RPS6KC1: variants seen among roughly 807,000 people sequenced by gnomAD.
The protein encoded by RPS6KC1 is inactive ribosomal protein S6 kinase delta-1.
In RPS6KC1, 54 loss-of-function variants were observed where a neutral mutation model predicts 103.8. The ratio of observed to expected loss-of-function variants is 0.52; its 90% CI spans 0.42 to 0.65. The LOEUF is 0.65. Ranked by LOEUF, RPS6KC1 falls within the 30% of genes least tolerant of loss-of-function variation. RPS6KC1 has a pLI of 0.00. For synonymous variants in RPS6KC1, 439 were observed against 438.7 expected (o/e 1.00, Z -0.01); for missense variants, 1,151 against 1,253.8 (o/e 0.92, Z 1.24).
At chr1:213,058,586 A>G (rs372467363) in intron 1 of RPS6KC1, among the ~76,000 whole-genome samples, 3 of 152,190 alleles carry the variant, frequency 2.0e-5, no homozygotes, top group African/African-American at 7.2e-5. Context: ...CCAAAAGTCA[A>G]TTGACTATAT....
intron 8 of RPS6KC1, among the ~76,000 whole-genome samples, chr1:213,219,883 G>A (rs1477979383): frequency 3.3e-5 from 5 of 151,806 alleles, no homozygotes; most frequent in African/African-American, 9.7e-5. Flanking sequence ...GGGAGGTATA[G>A]CATTAGGAGA....
chr1:213,409,458 G>T, the RPS6KC1 span, among the ~76,000 whole-genome samples: 1 of 151,990 alleles, frequency 6.6e-6, no homozygotes, highest in African/African-American at 2.4e-5. Context: ...ACAGGGGTGT[G>T]GAGACTGTTT....
At chr1:213,395,941 G>A in the RPS6KC1 span, among the ~76,000 whole-genome samples, 3 of 152,234 alleles carry the variant, frequency 2.0e-5, no homozygotes, top group East Asian at 3.8e-4. Flanking sequence ...GGAAGGCTCC[G>A]AACGGAGTCT....
chr1:213,300,965 C>G, the RPS6KC1 span, among the ~76,000 whole-genome samples: 1 of 152,122 alleles, frequency 6.6e-6, no homozygotes, highest in Non-Finnish European at 1.5e-5. Context: ...CGATCCTCTT[C>G]TTCACACTCC....
chr1:213,859,978 A>AC, the RPS6KC1 span, among the ~76,000 whole-genome samples: 4 of 150,010 alleles, frequency 2.7e-5, no homozygotes, highest in Non-Finnish European at 4.4e-5. Context: ...AGTCTAAACA[A>AC]AAAAAAAATC....
chr1:213,427,243 GC>G, the RPS6KC1 span, among the ~76,000 whole-genome samples: 2 of 152,186 alleles, frequency 1.3e-5, no homozygotes, highest in African/African-American at 4.8e-5. Flanking sequence ...GACATTAAGA[GC>G]CATATGTATC....
intron 10 of RPS6KC1, among the ~76,000 whole-genome samples, chr1:213,240,499 G>T (rs1337479845): frequency 1.3e-5 from 2 of 151,864 alleles, no homozygotes; most frequent in African/African-American, 4.8e-5. Context: ...TTGATATCAG[G>T]AGATATGCTT....
At chr1:213,152,645 G>T (rs1484411187) in intron 6 of RPS6KC1, among the ~76,000 whole-genome samples, 4 of 149,264 alleles carry the variant, frequency 2.7e-5, no homozygotes, top group African/African-American at 1.0e-4. Flanking sequence ...GACGATGGGC[G>T]GCCGGGCAGA....
chr1:213,662,917 A>T, the RPS6KC1 span, among the ~76,000 whole-genome samples: 1 of 152,210 alleles, frequency 6.6e-6, no homozygotes, highest in Non-Finnish European at 1.5e-5. Context: ...TTCCATAAGT[A>T]GCCACCAATT....
At chr1:213,844,100 A>G in the RPS6KC1 span, among the ~76,000 whole-genome samples, 1 of 152,324 alleles carries the variant, frequency 6.6e-6, no homozygotes, top group Admixed American at 6.5e-5. Context: ...AATATGATTC[A>G]TATATGCATT....
chr1:213,393,346 T>G, the RPS6KC1 span, among the ~76,000 whole-genome samples: 3 of 152,218 alleles, frequency 2.0e-5, no homozygotes, highest in Non-Finnish European at 4.4e-5. Flanking sequence ...CCACCAAGAA[T>G]CCCTTTTTCT....
the RPS6KC1 span, among the ~76,000 whole-genome samples, chr1:213,727,717 G>A: frequency 6.6e-6 from 1 of 151,182 alleles, no homozygotes; most frequent in South Asian, 2.1e-4. Context: ...AAAGATATAT[G>A]AAAAAAAAAT....
At chr1:213,602,108 C>CTT in the RPS6KC1 span, among the ~76,000 whole-genome samples, 2 of 35,118 alleles carry the variant, frequency 5.7e-5, 1 homozygote, top group African/African-American at 2.8e-4. Context: ...TTCTTTCTTT[C>CTT]TTTCTTTCTT....
chr1:213,346,493 G>T, the RPS6KC1 span, among the ~76,000 whole-genome samples: 1 of 152,116 alleles, frequency 6.6e-6, no homozygotes, highest in Non-Finnish European at 1.5e-5. Context: ...AGATACAGAA[G>T]TATAAGAATT....
At chr1:213,856,761 T>C in the RPS6KC1 span, among the ~76,000 whole-genome samples, 1 of 152,376 alleles carries the variant, frequency 6.6e-6, no homozygotes, top group Non-Finnish European at 1.5e-5. Flanking sequence ...CTGTACATTC[T>C]TTTTTAAACC....
At chr1:213,781,026 A>C in the RPS6KC1 span, among the ~76,000 whole-genome samples, 1 of 152,172 alleles carries the variant, frequency 6.6e-6, no homozygotes, top group East Asian at 1.9e-4. Context: ...CTGTCTTAAC[A>C]CAAAAAACAA....
At chr1:213,392,257 C>T in the RPS6KC1 span, among the ~76,000 whole-genome samples, 2 of 152,036 alleles carry the variant, frequency 1.3e-5, no homozygotes, top group Admixed American at 6.5e-5. Context: ...CCACTATGCA[C>T]GCAGCACTGC....
At chr1:213,327,512 G>A in the RPS6KC1 span, among the ~76,000 whole-genome samples, 1 of 152,082 alleles carries the variant, frequency 6.6e-6, no homozygotes, top group African/African-American at 2.4e-5. Context: ...ACTTGCGGGT[G>A]GTCTTAAGGT....
the RPS6KC1 span, among the ~76,000 whole-genome samples, chr1:213,427,613 A>G: frequency 1.3e-5 from 2 of 152,192 alleles, no homozygotes; most frequent in Non-Finnish European, 2.9e-5. Flanking sequence ...TTGAATTATT[A>G]TATGCATTTT....
Sources: allele counts gnomAD v4.1 joint callset (sites outside exome capture counted in the v4.1 genomes callset), GRCh38; gene constraint gnomAD v4.1.1; transcripts MANE v1.5; gene names NCBI Gene and HGNC (gene_info 2026-07-23, HGNC 2026-07-21).